Variants in SCFD2 observed in about 807,000 individuals in gnomAD.
The protein encoded by SCFD2 is sec1 family domain containing 2, also known as sec1 family domain-containing protein 2.
Under a neutral mutation model 58.9 loss-of-function variants are expected in SCFD2, and 54 were observed. That is an observed-to-expected ratio of 0.92 (90% CI 0.74 to 1.15). The LOEUF (loss-of-function observed/expected upper bound fraction) is 1.15. Among genes scored for constraint, SCFD2 ranks in the 50% most tolerant of loss-of-function variants. SCFD2 has a pLI of 0.00. For missense variants in SCFD2, 805 were observed against 836.6 expected, an observed-to-expected ratio of 0.96 and a Z score of 0.47; for synonymous variants, 321 against 335.9, an observed-to-expected ratio of 0.96 and a Z score of 0.49.
At chr4:53,333,496 G>T (rs1487906798) in intron 2 of SCFD2, among the ~76,000 whole-genome samples, 1 of 150,112 alleles carries the variant, frequency 6.7e-6, no homozygotes, top group Non-Finnish European at 1.5e-5. Flanking sequence ...ACAAGCAATG[G>T]GGAAAGGATT....
chr4:53,245,936 C>A (rs747770853), intron 4 of SCFD2, among the ~76,000 whole-genome samples: 1 of 152,088 alleles, frequency 6.6e-6, no homozygotes, highest in Non-Finnish European at 1.5e-5. Context: ...TAACATAATC[C>A]TATATCTAGA....
intron 5 of SCFD2, among the ~76,000 whole-genome samples, chr4:53,097,381 T>G (rs541668375): frequency 1.1e-3 from 168 of 152,298 alleles, no homozygotes; most frequent in Non-Finnish European, 1.9e-3. Context: ...TGTGTCCTCT[T>G]TTATTTCATT....
At chr4:53,182,644 T>G (rs559641613) in intron 4 of SCFD2, among the ~76,000 whole-genome samples, 6 of 152,288 alleles carry the variant, frequency 3.9e-5, no homozygotes, top group Admixed American at 3.9e-4. Context: ...AAAGCCAAAA[T>G]TGACAAATGG....
At chr4:52,960,989 A>C (rs571905057) in intron 5 of SCFD2, among the ~76,000 whole-genome samples, 5 of 152,144 alleles carry the variant, frequency 3.3e-5, no homozygotes, top group Non-Finnish European at 7.4e-5. Flanking sequence ...TCCTGGGGGA[A>C]GTGGGACCTG....
chr4:52,983,495 C>T (rs1721422689), intron 5 of SCFD2, among the ~76,000 whole-genome samples: 1 of 152,128 alleles, frequency 6.6e-6, no homozygotes, highest in Non-Finnish European at 1.5e-5. Context: ...ATACCAAGAT[C>T]TAAATTAAGC....
intron 5 of SCFD2, among the ~76,000 whole-genome samples, chr4:53,065,056 C>CA (rs1723618440): frequency 6.6e-6 from 1 of 151,832 alleles, no homozygotes; most frequent in South Asian, 2.1e-4. Flanking sequence ...TTATACAAGG[C>CA]AAAAAAATTT....
At chr4:53,255,420 G>A (rs1730576042) in intron 4 of SCFD2, among the ~76,000 whole-genome samples, 1 of 151,982 alleles carries the variant, frequency 6.6e-6, no homozygotes, top group South Asian at 2.1e-4. Context: ...GACTCTTAAG[G>A]AGCATGCTGC....
At chr4:53,135,807 A>T (rs1169237541) in intron 5 of SCFD2, among the ~76,000 whole-genome samples, 2 of 151,896 alleles carry the variant, frequency 1.3e-5, no homozygotes, top group Non-Finnish European at 2.9e-5. Context: ...TTTTAGTAAG[A>T]CTATACATCC....
chr4:53,357,602 A>C (rs1734437980), intron 1 of SCFD2, among the ~76,000 whole-genome samples: 1 of 152,184 alleles, frequency 6.6e-6, no homozygotes, highest in Non-Finnish European at 1.5e-5. Context: ...TCTAACACCA[A>C]AAATCTAGTC....
intron 2 of SCFD2, among the ~76,000 whole-genome samples, chr4:53,320,188 T>C (rs982106524): frequency 1.3e-5 from 2 of 152,222 alleles, no homozygotes; most frequent in African/African-American, 4.8e-5. Flanking sequence ...CCCAGTAAAT[T>C]AGGGTTTGAA....
chr4:53,062,174 C>A (rs1262088485), intron 5 of SCFD2, among the ~76,000 whole-genome samples: 44 of 151,726 alleles, frequency 2.9e-4, no homozygotes, highest in Non-Finnish European at 5.0e-4. Context: ...GAGTTCAAGA[C>A]CAGGCTGGCG....
intron 3 of SCFD2, among the ~76,000 whole-genome samples, chr4:53,283,716 C>T (rs1393920671): frequency 6.6e-6 from 1 of 151,834 alleles, no homozygotes; most frequent in African/African-American, 2.4e-5. Context: ...TTACAGGCGC[C>T]CACCACCACA....
chr4:53,182,653 G>A (rs1727608421), intron 4 of SCFD2, among the ~76,000 whole-genome samples: 1 of 152,168 alleles, frequency 6.6e-6, no homozygotes, highest in African/African-American at 2.4e-5. Flanking sequence ...ATTGACAAAT[G>A]GGATCTCATT....
chr4:53,166,058 T>A (rs1726997347), intron 4 of SCFD2, among the ~76,000 whole-genome samples: 1 of 152,252 alleles, frequency 6.6e-6, no homozygotes. Context: ...CTACGTTATT[T>A]AGCATGTCTT....
intron 5 of SCFD2, among the ~76,000 whole-genome samples, chr4:53,057,504 G>C (rs913958340): frequency 1.3e-5 from 2 of 151,964 alleles, no homozygotes; most frequent in Admixed American, 1.3e-4. Flanking sequence ...TGAACACTGA[G>C]AACACATGGA....
intron 4 of SCFD2, among the ~76,000 whole-genome samples, chr4:53,245,897 C>A (rs1035944367): frequency 6.6e-6 from 1 of 152,088 alleles, no homozygotes; most frequent in Non-Finnish European, 1.5e-5. Context: ...AGTAGGAAGA[C>A]AGAAAGTCAA....
intron 4 of SCFD2, among the ~76,000 whole-genome samples, chr4:53,150,256 T>C (rs1172367479): frequency 6.6e-6 from 1 of 152,102 alleles, no homozygotes; most frequent in Non-Finnish European, 1.5e-5. Context: ...AAATAAAGAC[T>C]TCGTGGTCAG....
chr4:53,254,493 TTTTTG>T (rs1269514839), intron 4 of SCFD2, among the ~76,000 whole-genome samples: 2 of 151,968 alleles, frequency 1.3e-5, no homozygotes, highest in Non-Finnish European at 1.5e-5. Context: ...TTTCTTTTTT[TTTTTG>T]TTTTATTTTA....
intron 4 of SCFD2, among the ~76,000 whole-genome samples, chr4:53,194,082 C>T (rs1418295404): frequency 6.6e-6 from 1 of 152,132 alleles, no homozygotes; most frequent in Non-Finnish European, 1.5e-5. Flanking sequence ...TTGCTTGCAT[C>T]CCCACCCTAC....
Sources: allele counts gnomAD v4.1 joint callset (sites outside exome capture counted in the v4.1 genomes callset), GRCh38; gene constraint gnomAD v4.1.1; transcripts MANE v1.5; gene names NCBI Gene and HGNC (gene_info 2026-07-23, HGNC 2026-07-21).